CTNNA3: variants seen among roughly 807,000 people sequenced by gnomAD.
CTNNA3 encodes catenin alpha-3.
Under a neutral mutation model 95.7 loss-of-function variants are expected in CTNNA3, and 76 were observed. The observed-to-expected ratio is 0.79, with a 90% CI of 0.66 to 0.96. The LOEUF (loss-of-function observed/expected upper bound fraction) is 0.96. Ranked by LOEUF, CTNNA3 falls within the 40% of genes least tolerant of loss-of-function variation. CTNNA3 has a pLI of 0.00. For synonymous variants in CTNNA3, 431 were observed against 374.4 expected (o/e 1.15, Z -1.74); for missense variants, 1,191 against 1,089.8 (o/e 1.09, Z -1.31).
intron 7 of CTNNA3, among the ~76,000 whole-genome samples, chr10:66,886,452 T>C (rs1845048265): frequency 1.3e-5 from 2 of 152,280 alleles, no homozygotes; most frequent in South Asian, 4.1e-4. Context: ...GACCCTTATG[T>C]TGAACTGCAT....
At chr10:67,059,686 A>G (rs1855646031) in intron 7 of CTNNA3, among the ~76,000 whole-genome samples, 2 of 152,256 alleles carry the variant, frequency 1.3e-5, no homozygotes, top group East Asian at 3.9e-4. Flanking sequence ...GTTTCCCTGA[A>G]CATCCAAACT....
At chr10:66,864,277 T>C (rs1188033738) in intron 7 of CTNNA3, among the ~76,000 whole-genome samples, 11 of 151,974 alleles carry the variant, frequency 7.2e-5, no homozygotes, top group African/African-American at 2.7e-4. Context: ...ATCACAGGAG[T>C]TGGTTAGTTA....
intron 2 of CTNNA3, among the ~76,000 whole-genome samples, chr10:67,645,574 C>T (rs1839679631): frequency 6.6e-6 from 1 of 151,826 alleles, no homozygotes; most frequent in African/African-American, 2.4e-5. Context: ...TAAAACTGTC[C>T]CCAAAAAACT....
intron 10 of CTNNA3, among the ~76,000 whole-genome samples, chr10:66,589,742 T>A (rs918492067): frequency 3.9e-5 from 6 of 152,302 alleles, no homozygotes; most frequent in African/African-American, 1.4e-4. Context: ...TGATTTAACA[T>A]GCTTTGACTC....
chr10:66,759,141 T>C (rs1026026446), intron 9 of CTNNA3, among the ~76,000 whole-genome samples: 1 of 152,190 alleles, frequency 6.6e-6, no homozygotes, highest in Non-Finnish European at 1.5e-5. Context: ...TGTCACCGCT[T>C]GTCAGAGCTA....
intron 5 of CTNNA3, among the ~76,000 whole-genome samples, chr10:67,350,453 G>A (rs985842155): frequency 1.3e-5 from 2 of 151,686 alleles, no homozygotes; most frequent in African/African-American, 2.4e-5. Flanking sequence ...CATAGCACTA[G>A]TGTGTTTCCT....
At chr10:67,197,173 C>T (rs781357144) in intron 6 of CTNNA3, among the ~76,000 whole-genome samples, 3 of 152,070 alleles carry the variant, frequency 2.0e-5, no homozygotes, top group Non-Finnish European at 4.4e-5. Flanking sequence ...TAAATGACAA[C>T]AAATCTGCAA....
At chr10:67,050,114 C>T (rs924039920) in intron 7 of CTNNA3, among the ~76,000 whole-genome samples, 2 of 152,176 alleles carry the variant, frequency 1.3e-5, no homozygotes, top group Non-Finnish European at 2.9e-5. Context: ...CTCTGATTTC[C>T]ATTGCCCGGA....
At chr10:66,080,032 C>G (rs1035372738) in intron 14 of CTNNA3, among the ~76,000 whole-genome samples, 1 of 151,968 alleles carries the variant, frequency 6.6e-6, no homozygotes. Flanking sequence ...TGATTCGGAT[C>G]GCTTGAAGTC....
At chr10:67,306,081 G>C (rs1344430627) in intron 5 of CTNNA3, among the ~76,000 whole-genome samples, 1 of 152,126 alleles carries the variant, frequency 6.6e-6, no homozygotes, top group Non-Finnish European at 1.5e-5. Flanking sequence ...GGAGAAAATA[G>C]GAGGTGAAGA....
intron 7 of CTNNA3, among the ~76,000 whole-genome samples, chr10:66,789,713 C>T (rs890916414): frequency 9.9e-5 from 15 of 151,906 alleles, no homozygotes; most frequent in East Asian, 7.7e-4. Context: ...TGAGTATAGG[C>T]GGATATTGTG....
chr10:67,340,105 T>C (rs1842128909), intron 5 of CTNNA3, among the ~76,000 whole-genome samples: 1 of 152,184 alleles, frequency 6.6e-6, no homozygotes, highest in South Asian at 2.1e-4. Context: ...TCATTTCAAG[T>C]ATGAGATATA....
At chr10:67,358,815 G>A (rs1475954429) in intron 5 of CTNNA3, among the ~76,000 whole-genome samples, 2 of 152,046 alleles carry the variant, frequency 1.3e-5, no homozygotes, top group Admixed American at 1.3e-4. Context: ...CCCCCTTGGG[G>A]CTAAGGAAAT....
chr10:66,698,089 A>G (rs942468058), intron 9 of CTNNA3, among the ~76,000 whole-genome samples: 1 of 152,208 alleles, frequency 6.6e-6, no homozygotes, highest in Non-Finnish European at 1.5e-5. Flanking sequence ...CTTTTTACCC[A>G]TGCCATAATG....
chr10:67,076,685 A>G (rs1856767869), intron 7 of CTNNA3, among the ~76,000 whole-genome samples: 1 of 152,252 alleles, frequency 6.6e-6, no homozygotes, highest in Admixed American at 6.5e-5. Flanking sequence ...ATGAAATTCC[A>G]GGTAACCAAA....
chr10:67,520,802 A>G (rs1435741050), intron 5 of CTNNA3, among the ~76,000 whole-genome samples: 6 of 152,184 alleles, frequency 3.9e-5, no homozygotes, highest in Non-Finnish European at 8.8e-5. Flanking sequence ...TGGCCCAGTA[A>G]TTCTAGACCA....
intron 9 of CTNNA3, among the ~76,000 whole-genome samples, chr10:66,737,345 T>A (rs1462691658): frequency 1.3e-5 from 2 of 152,172 alleles, no homozygotes; most frequent in Admixed American, 1.3e-4. Context: ...TTGCAAAAGT[T>A]TTTAAAAATC....
intron 13 of CTNNA3, among the ~76,000 whole-genome samples, chr10:66,202,067 C>T (rs1344284842): frequency 1.3e-5 from 2 of 152,018 alleles, no homozygotes; most frequent in Non-Finnish European, 2.9e-5. Flanking sequence ...GATTATGGTG[C>T]GAGCCACCAC....
intron 7 of CTNNA3, among the ~76,000 whole-genome samples, chr10:66,905,654 A>G (rs369641365): frequency 3.9e-5 from 6 of 152,192 alleles, no homozygotes; most frequent in South Asian, 2.1e-4. Context: ...AAAACATGGT[A>G]TATACACATA....
Sources: gnomAD v4.1 joint callset for allele counts (sites outside exome capture counted in the v4.1 genomes callset) on GRCh38, gnomAD v4.1.1 for gene constraint, MANE v1.5 for transcripts, NCBI Gene and HGNC (gene_info 2026-07-23, HGNC 2026-07-21) for gene names.